The following LSAMP variants were observed in gnomAD, a reference collection of about 807,000 sequenced individuals.
The protein encoded by LSAMP is limbic system-associated membrane protein.
Under a neutral mutation model 38.6 loss-of-function variants are expected in LSAMP, and 7 were observed. That is an observed-to-expected ratio of 0.18 (90% CI 0.10 to 0.34). The LOEUF is 0.34. Among genes scored for constraint, LSAMP ranks in the 10% least tolerant of loss-of-function variants. LSAMP has a pLI of 1.00. For missense variants in LSAMP, 313 were observed against 420.0 expected (o/e 0.75, Z 2.23); for synonymous variants, 154 against 166.8 (o/e 0.92, Z 0.59).
At chr3:115,937,884 T>G (rs1053632166) in intron 3 of LSAMP, among the ~76,000 whole-genome samples, 3 of 152,168 alleles carry the variant, frequency 2.0e-5, no homozygotes, top group African/African-American at 7.2e-5. Context: ...TGGTTGTGTT[T>G]ACTATGAAAT....
In LSAMP at chr3:115,808,135, T is replaced by TCCCC. The variant is rs1933681652; in HGVS notation, c.*2181_*2182insGGGG. The TCCCC allele has an allele frequency of 2.0e-5, 1 of 49,266 alleles. No homozygotes were observed. The highest frequency in any genetic ancestry group is 9.0e-5 in the African/African-American group (1 of 11,162). The allele number at this position is 49,266 out of a possible 1,614,324, so 3.1% of individuals were successfully genotyped here. The stretch of plus-strand genomic sequence containing the variant: ...CTCCCTCCCTCCCTCCCTCCCTCCC[T>TCCCC]CCCTCCCTCCCTCCCCCCCTTCCCC... On this transcript the variant is annotated 3_prime_UTR_variant, in exon 7 of 7. Coordinates refer to ENST00000490035, the MANE Select transcript of LSAMP (RefSeq NM_002338.5).
intron 1 of LSAMP, among the ~76,000 whole-genome samples, chr3:116,131,489 G>C (rs77526043): frequency 1.3e-5 from 2 of 152,028 alleles, no homozygotes; most frequent in African/African-American, 4.8e-5. Flanking sequence ...AGAGATACTT[G>C]CTCTTCCCCC....
rs551182462 is a variant in LSAMP at position 115,965,048 on chromosome 3, A to G, written c.514+54467T>C. Among the ~76,000 whole-genome samples the G allele has an allele frequency of 2.6e-4, 40 of 152,230 alleles. No homozygotes were observed. The South Asian group carries it at 8.1e-3, about 31-fold the overall frequency. On this transcript the variant is annotated intron_variant, in intron 3 of 6. Coordinates refer to ENST00000490035, the MANE Select transcript of LSAMP (RefSeq NM_002338.5). ...ATTCTAAAATTTATGTGCATGAACA[A>G]AGAGCATACAGTAACTAAGAAATAC...
chr3:116,401,653 C>G (rs912997474), intron 1 of LSAMP, among the ~76,000 whole-genome samples: 2 of 152,172 alleles, frequency 1.3e-5, no homozygotes, highest in South Asian at 4.1e-4. Context: ...CAGATTTTAC[C>G]TGACCAGCTT....
At chr3:116,384,641 T>C (rs796531228) in intron 1 of LSAMP, among the ~76,000 whole-genome samples, 35 of 152,242 alleles carry the variant, frequency 2.3e-4, no homozygotes, top group African/African-American at 7.2e-4. Flanking sequence ...TGATGACAGA[T>C]GGTGCATTGT....
intron 1 of LSAMP, among the ~76,000 whole-genome samples, chr3:116,428,512 T>A (rs2049234968): frequency 6.6e-6 from 1 of 152,198 alleles, no homozygotes; most frequent in Non-Finnish European, 1.5e-5. Flanking sequence ...ACCTACCATG[T>A]ATTTAGAAAA....
intron 1 of LSAMP, among the ~76,000 whole-genome samples, chr3:116,208,375 T>C (rs1261667087): frequency 2.6e-5 from 4 of 151,978 alleles, no homozygotes; most frequent in African/African-American, 9.7e-5. Context: ...AGTAATTTGA[T>C]TGTCTGAAGC....
intron 1 of LSAMP, among the ~76,000 whole-genome samples, chr3:116,284,310 T>C (rs550296134): frequency 6.6e-6 from 1 of 152,296 alleles, no homozygotes. Flanking sequence ...CAAAAAATAA[T>C]GTTTTTAAAA....
chr3:116,144,418 G>A (rs937462323), intron 1 of LSAMP, among the ~76,000 whole-genome samples: 2 of 151,850 alleles, frequency 1.3e-5, no homozygotes, highest in African/African-American at 4.8e-5. Flanking sequence ...AGCTACTTGG[G>A]GAGCTGAGGT....
intron 2 of LSAMP, 73 bp downstream of exon 2, chr3:116,086,251 A>G: frequency 1.7e-6 from 2 of 1,163,318 alleles, no homozygotes; most frequent in Non-Finnish European, 1.3e-6. Context: ...AGGATTCTGC[A>G]AATATTTTGT....
chr3:116,130,738 T>A (rs114263511), intron 1 of LSAMP, among the ~76,000 whole-genome samples: 4,659 of 152,252 alleles, frequency 0.031, 238 homozygotes, highest in African/African-American at 0.11. Context: ...CAGTTTTTAA[T>A]ACAGTGTATA....
intron 1 of LSAMP, among the ~76,000 whole-genome samples, chr3:116,324,904 G>A (rs185574316): frequency 2.4e-4 from 37 of 152,058 alleles, no homozygotes; most frequent in Non-Finnish European, 3.4e-4. Flanking sequence ...GTTAGATTGA[G>A]CCTCTCGGCC....
intron 1 of LSAMP, among the ~76,000 whole-genome samples, chr3:116,161,162 A>AT (rs1359723798): frequency 2.0e-5 from 3 of 152,102 alleles, no homozygotes; most frequent in Non-Finnish European, 4.4e-5. Flanking sequence ...AATATACTGT[A>AT]TTTTTTTAGG....
intron 1 of LSAMP, among the ~76,000 whole-genome samples, chr3:116,331,538 A>C (rs1389000707): frequency 2.6e-5 from 4 of 152,188 alleles, no homozygotes; most frequent in African/African-American, 9.6e-5. Flanking sequence ...AATAAGATTA[A>C]AAGCAGATTC....
chr3:116,208,445 G>T (rs1251088611), intron 1 of LSAMP, among the ~76,000 whole-genome samples: 1 of 152,206 alleles, frequency 6.6e-6, no homozygotes, highest in African/African-American at 2.4e-5. Flanking sequence ...TGCTGGTGAG[G>T]AACTGCATTC....
intron 2 of LSAMP, among the ~76,000 whole-genome samples, chr3:116,055,892 A>G (rs1453971760): frequency 3.3e-5 from 5 of 152,102 alleles, no homozygotes; most frequent in African/African-American, 1.2e-4. Context: ...CATCATCACT[A>G]TTTTCAAAGA....
chr3:116,105,359 T>G (rs1373876702), intron 1 of LSAMP, among the ~76,000 whole-genome samples: 2 of 152,210 alleles, frequency 1.3e-5, no homozygotes, highest in African/African-American at 4.8e-5. Context: ...ATGGTCACTT[T>G]CATGCGCGTC....
intron 1 of LSAMP, among the ~76,000 whole-genome samples, chr3:116,420,039 A>G (rs148895384): frequency 3.9e-5 from 6 of 152,290 alleles, no homozygotes; most frequent in Admixed American, 2.0e-4. Context: ...GAGAGCAGAA[A>G]AAGGGTTTAT....
At chr3:116,181,751 T>G (rs931688936) in intron 1 of LSAMP, among the ~76,000 whole-genome samples, 1 of 151,970 alleles carries the variant, frequency 6.6e-6, no homozygotes, top group Non-Finnish European at 1.5e-5. Flanking sequence ...CACACTCCCA[T>G]CTTCATTGCC....
Sources: gnomAD v4.1 joint callset for allele counts (sites outside exome capture counted in the v4.1 genomes callset) on GRCh38, gnomAD v4.1.1 for gene constraint, MANE v1.5 for transcripts, NCBI Gene and HGNC (gene_info 2026-07-23, HGNC 2026-07-21) for gene names.